PSMC3IP: variants seen among roughly 807,000 people sequenced by gnomAD.
PSMC3IP encodes PSMC3 interacting protein, also known as homologous-pairing protein 2 homolog.
Under a neutral mutation model 34.9 loss-of-function variants are expected in PSMC3IP, and 26 were observed. The observed-to-expected ratio is 0.74, with a 90% CI of 0.55 to 1.03. The LOEUF is 1.03. Among genes scored for constraint, PSMC3IP ranks in the 50% least tolerant of loss-of-function variants. The pLI, the probability that PSMC3IP is intolerant of heterozygous loss-of-function variation, is 0.00. For missense variants in PSMC3IP, 250 were observed against 263.1 expected (o/e 0.95, Z 0.34); for synonymous variants, 87 against 96.5 (o/e 0.90, Z 0.57).
chr17:42,577,599 G>C lies in PSMC3IP; in HGVS notation c.35-38C>G, dbSNP rs1432733497. 5 of 1,614,004 alleles carry C rather than the reference G, an allele frequency of 3.1e-6. No individual in the cohort carries two copies. The South Asian group carries it at 5.5e-5, about 18-fold the overall frequency. On this transcript the variant is annotated intron_variant, in intron 1 of 7. Coordinates refer to ENST00000393795, the MANE Select transcript of PSMC3IP (RefSeq NM_016556.4). ...AGGCAGGGGAGGGGGCCACTCAACC[G>C]ACCTCCTCACCCACTGCCCTCCCGG...
At chr17:42,576,867 G>C (rs2093078559) in intron 3 of PSMC3IP, 3 of 364,658 alleles carry the variant, frequency 8.2e-6, no homozygotes, top group Non-Finnish European at 1.6e-5. Flanking sequence ...GTCTGGGCTG[G>C]AGAATATAAA....
At position 42,572,511 on chromosome 17, in the gene PSMC3IP, G is replaced by C; in HGVS notation, c.*457C>G. ...CAAAAGATACTTAAAAGGGCTCCTG[G>C]GGTACACAAGCCCAGCAGGTCCTGA... On this transcript the variant is annotated 3_prime_UTR_variant, in exon 8 of 8. Coordinates refer to ENST00000393795, the MANE Select transcript of PSMC3IP (RefSeq NM_016556.4). 4.4e-6 allele frequency: 2 copies of C among 454,370 alleles called. No individual in the cohort carries two copies. The highest frequency in any genetic ancestry group is 8.8e-6 in the Non-Finnish European group (2 of 226,718). 28.1% of individuals were successfully genotyped at this position (454,370 alleles called of 1,614,324 possible).
chr17:42,575,607 G>A (rs971806664), intron 3 of PSMC3IP, among the ~76,000 whole-genome samples: 9 of 152,268 alleles, frequency 5.9e-5, no homozygotes, highest in Non-Finnish European at 7.4e-5. Context: ...TAGATACTGC[G>A]GAGGTGCTGA....
chr17:42,573,784 C>G (rs1394377625), intron 4 of PSMC3IP, 161 bp from the exon 5 acceptor site: 10 of 1,505,644 alleles, frequency 6.6e-6, no homozygotes, highest in Non-Finnish European at 8.9e-6. Flanking sequence ...TTCTTTCCTC[C>G]TCCATCTACA....
At chr17:42,577,809 C>G (rs1301673368), upstream of PSMC3IP, 1 of 1,183,270 alleles carries the variant, frequency 8.5e-7, no homozygotes, top group East Asian at 2.4e-5. Flanking sequence ...TCCGGAGGAG[C>G]AAAGCGACCC....
At chr17:42,573,969 T>A in intron 4 of PSMC3IP, 130 bp downstream of exon 4, 10 of 1,542,796 alleles carry the variant, frequency 6.5e-6, no homozygotes, top group Non-Finnish European at 8.7e-6. Flanking sequence ...TTTTTATGCC[T>A]AAGGGAGCCC....
upstream of PSMC3IP, chr17:42,577,774 C>G (rs564306569): frequency 1.3e-6 from 2 of 1,504,252 alleles, no homozygotes; most frequent in Non-Finnish European, 1.8e-6. Flanking sequence ...GGGCCTCGAA[C>G]GGTGATTGGC....
At chr17:42,577,341 A>G (rs1357855683) in intron 2 of PSMC3IP, 39 bp from the exon 3 acceptor site, 10 of 1,606,734 alleles carry the variant, frequency 6.2e-6, no homozygotes, top group Non-Finnish European at 8.5e-6. Flanking sequence ...GAGGAGTCTG[A>G]GCCTGGGTCT....
intron 4 of PSMC3IP, chr17:42,573,855 AAAG>A: frequency 6.5e-7 from 1 of 1,531,802 alleles, no homozygotes. Context: ...AAGCAGGAAT[AAAG>A]GGAAACGTGG....
chr17:42,577,260 TC>T lies in PSMC3IP; in HGVS notation c.177del (p.Ile60SerfsTer22). 1 of 1,614,068 alleles carries T rather than the reference TC, an allele frequency of 6.2e-7. No individual in the cohort carries two copies. Among genetic ancestry groups the T allele is most frequent in the Non-Finnish European group, 8.5e-7 (1 of 1,180,014 alleles). ...KTLEQLAQQGKIKEKMYGKQK... is the reference protein window; with the variant it reads ...KTLEQLAQQGXIKEKMYGKQK... ...TGCTTGCCGTACATCTTCTCTTTGA[TC>T]TTGCCTTGTTGCGCCAGCTGCTCCA... is the stretch of plus-strand genomic sequence containing the variant. On this transcript the variant is annotated frameshift_variant, in exon 3 of 8. Coordinates refer to ENST00000393795, the MANE Select transcript of PSMC3IP (RefSeq NM_016556.4). LOFTEE classifies it high-confidence loss of function.
Position 42,573,184 on chromosome 17 carries a change from C to T in PSMC3IP, c.538-18G>A, listed in dbSNP as rs1166688782. On this transcript the variant is annotated intron_variant, in intron 6 of 7. Transcript: ENST00000393795. ...TCTGTAGCCTGACAAGAAATAAAAC[C>T]ACCCGTTTTCAGATGGGCAGCACTG... 6.2e-7 allele frequency: 1 copy of T among 1,614,146 alleles called. No individual in the cohort carries two copies. Among genetic ancestry groups the T allele is most frequent in the East Asian group, 2.2e-5 (1 of 44,886 alleles).
intron 3 of PSMC3IP, chr17:42,574,465 T>C (rs1169125120): frequency 1.9e-5 from 20 of 1,046,210 alleles, no homozygotes; most frequent in Non-Finnish European, 2.4e-5. Flanking sequence ...GGATACTGAT[T>C]AGGACAGAAA....
In PSMC3IP at chr17:42,577,501, A is replaced by G. The variant is rs2093083531; in HGVS notation, c.95T>C (p.Val32Ala). ...EQNRPYSSQD[V>A]FGNLQREHGL... ...GTGTTCCCGCTGTAGGTTCCCGAAC[A>G]CATCCTGGGAGCTGTAGGGCCGGTT... is the stretch of plus-strand genomic sequence containing the variant. Residue 32 changes from valine (V) to alanine (A), a missense_variant, in exon 2 of 8, where the codon GTG (valine) becomes GCG (alanine). By Grantham distance (64) the Val-to-Ala change is moderately conservative. Transcript: ENST00000393795. 6.2e-7 allele frequency: 1 copy of G among 1,614,056 alleles called. No homozygotes were observed. The highest frequency in any genetic ancestry group is 8.5e-7 in the Non-Finnish European group (1 of 1,180,030).
chr17:42,574,714 TC>T (rs398030879), intron 3 of PSMC3IP, among the ~76,000 whole-genome samples: 2 of 17,612 alleles, frequency 1.1e-4, no homozygotes, highest in African/African-American at 1.3e-4. Context: ...CCTCCCTCCC[TC>T]CTTCCCCCTC....
chr17:42,573,918 C>T, intron 4 of PSMC3IP, 181 bp downstream of exon 4: 2 of 1,532,674 alleles, frequency 1.3e-6, no homozygotes, highest in East Asian at 2.4e-5. Context: ...GTATCTTGTC[C>T]ATTTGTTGGT....
chr17:42,574,393 AC>A, intron 3 of PSMC3IP, 183 bp from the exon 4 acceptor site: 1 of 1,397,922 alleles, frequency 7.2e-7, no homozygotes, highest in Non-Finnish European at 9.4e-7. Flanking sequence ...GAGCGGCCCC[AC>A]TAAAAAGGTA....
At chr17:42,577,139 A>G (rs1179897578) in intron 3 of PSMC3IP, 74 bp downstream of exon 3, 2 of 1,608,142 alleles carry the variant, frequency 1.2e-6, no homozygotes, top group Non-Finnish European at 1.7e-6. Context: ...CTTGTCCCCA[A>G]AGAGTTCACA....
chr17:42,577,001 TA>T, intron 3 of PSMC3IP: 1 of 1,211,566 alleles, frequency 8.3e-7, no homozygotes, highest in East Asian at 2.8e-5. Context: ...GTAGCAACAA[TA>T]CAGAATCTTC....
intron 3 of PSMC3IP, 182 bp from the exon 4 acceptor site, chr17:42,574,392 C>A: frequency 7.1e-7 from 1 of 1,401,236 alleles, no homozygotes. Flanking sequence ...GGAGCGGCCC[C>A]ACTAAAAAGG....
Sources: gnomAD v4.1 joint callset for allele counts (sites outside exome capture counted in the v4.1 genomes callset) on GRCh38, gnomAD v4.1.1 for gene constraint, MANE v1.5 for transcripts, NCBI Gene and HGNC (gene_info 2026-07-23, HGNC 2026-07-21) for gene names.